The following CCDC33 variants were observed in gnomAD, a reference collection of about 807,000 sequenced individuals.
CCDC33 encodes coiled-coil domain containing 33, also known as coiled-coil domain-containing protein 33.
CCDC33 carries 94 observed loss-of-function variants against 91.9 expected under a neutral mutation model. The ratio of observed to expected loss-of-function variants is 1.02; its 90% CI spans 0.87 to 1.21. CCDC33 has a LOEUF of 1.21. Ranked by LOEUF, CCDC33 falls within the 50% of genes most tolerant of loss-of-function variation. The pLI, the probability that CCDC33 is intolerant of heterozygous loss-of-function variation, is 0.00. For missense variants in CCDC33, 940 were observed against 935.5 expected, an observed-to-expected ratio of 1.00 and a Z score of -0.06; for synonymous variants, 396 against 374.5, an observed-to-expected ratio of 1.06 and a Z score of -0.66.
rs569705340 is a variant in CCDC33, at chr15:74,270,701, G to A, written c.547-1002G>A. ...TGAGGGTCAGGGTCCGGGAGATCAG[G>A]GCCTCTTAGGCTGGCAGCAGAGGCG... On this transcript the variant is annotated intron_variant, in intron 5 of 18. Coordinates refer to ENST00000398814, the MANE Select transcript of CCDC33 (RefSeq NM_025055.5). 7.6e-4 allele frequency among the ~76,000 whole-genome samples: 116 copies of A among 152,174 alleles called. 1 individual carries two copies. Among genetic ancestry groups the A allele is most frequent in the African/African-American group, 2.7e-3 (114 of 41,516 alleles).
intron 2 of CCDC33, among the ~76,000 whole-genome samples, chr15:74,227,492 C>T (rs1475802262): frequency 1.3e-5 from 2 of 152,152 alleles, no homozygotes; most frequent in African/African-American, 2.4e-5. Flanking sequence ...CTTGGTATTA[C>T]GCTGGCCCCA....
intron 11 of CCDC33, among the ~76,000 whole-genome samples, chr15:74,308,717 T>A (rs2059938615): frequency 6.6e-6 from 1 of 152,174 alleles, no homozygotes; most frequent in Non-Finnish European, 1.5e-5. Flanking sequence ...GCAGCAGAAT[T>A]TTTTTCACTC....
intron 2 of CCDC33, among the ~76,000 whole-genome samples, chr15:74,246,275 C>A (rs2075526466): frequency 6.6e-6 from 1 of 152,152 alleles, no homozygotes; most frequent in East Asian, 1.9e-4. Context: ...AATTAATCTT[C>A]GGATATGACA....
At chr15:74,229,629 A>G (rs1483111018) in intron 2 of CCDC33, among the ~76,000 whole-genome samples, 1 of 152,258 alleles carries the variant, frequency 6.6e-6, no homozygotes, top group Non-Finnish European at 1.5e-5. Flanking sequence ...AGGTTCCTAT[A>G]CACACCCGTG....
At position 74,298,843 on chromosome 15, in the gene CCDC33, G is replaced by T. The variant is rs552545272; in HGVS notation, c.1290+2895G>T. ...TTCTCCTTCCTCAGCCTCTTGAGTAGCTGGGATTACAGGCGGGCGCCACCA... is the reference window on the plus strand; with the variant it reads ...TTCTCCTTCCTCAGCCTCTTGAGTATCTGGGATTACAGGCGGGCGCCACCA... On this transcript the variant is annotated intron_variant, in intron 11 of 18. Coordinates refer to ENST00000398814, the MANE Select transcript of CCDC33 (RefSeq NM_025055.5). Among the ~76,000 whole-genome samples the T allele has an allele frequency of 2.6e-5, 4 of 151,106 alleles. No homozygotes were observed. In the South Asian group the frequency reaches 6.3e-4, roughly 24 times the overall value.
chr15:74,214,394 T>C (rs1014277632), upstream of CCDC33, among the ~76,000 whole-genome samples: 1 of 152,068 alleles, frequency 6.6e-6, no homozygotes, highest in African/African-American at 2.4e-5. Context: ...TACCCCTTCT[T>C]GAACCCCTCT....
At chr15:74,240,718 G>A (rs1384711485) in intron 1 of CCDC33, among the ~76,000 whole-genome samples, 5 of 152,074 alleles carry the variant, frequency 3.3e-5, no homozygotes, top group African/African-American at 7.2e-5. Flanking sequence ...TCAGCCTCCC[G>A]AATAGCTGGG....
At chr15:74,207,761 C>T in intron 1 of CCDC33, 1 of 1,535,734 alleles carries the variant, frequency 6.5e-7, no homozygotes, top group Non-Finnish European at 8.7e-7. Context: ...CTCATGCGGG[C>T]CCGTGAGCTT....
Position 74,324,089 on chromosome 15 carries a change from C to CAAA in CCDC33, c.1291-6079_1291-6077dup, listed in dbSNP as rs55758894. On this transcript the variant is annotated intron_variant, in intron 11 of 18. Coordinates refer to ENST00000398814, the MANE Select transcript of CCDC33 (RefSeq NM_025055.5). ...TAGGCAATAGAAAGAGACTCCATCT[C>CAAA]AAAAAAAAAAAAAAAAAAAAAAAGT... Among the ~76,000 whole-genome samples the CAAA allele has an allele frequency of 1.8e-3, 130 of 72,076 alleles. 1 individual carries two copies. The highest frequency in any genetic ancestry group is 6.1e-3 in the African/African-American group (121 of 19,946). The allele number at this position is 72,076 out of a possible 152,430, so 47.3% of individuals were successfully genotyped here.
intron 1 of CCDC33, among the ~76,000 whole-genome samples, chr15:74,237,306 G>C (rs1447460277): frequency 6.6e-6 from 1 of 152,256 alleles, no homozygotes; most frequent in Non-Finnish European, 1.5e-5. Context: ...CCCAGCAGCA[G>C]GGCTCTGTCA....
chr15:74,268,337 T>C lies in CCDC33; in HGVS notation c.430-5T>C. On this transcript the variant is annotated splice_polypyrimidine_tract_variant and splice_region_variant and intron_variant, in intron 4 of 18. Transcript: ENST00000398814. ...CTGTGTCTTCTGCCCCAACCCTGTCTCCAGCCCACTGAGTCTGGGAAAGCC... is the reference window on the plus strand; with the variant it reads ...CTGTGTCTTCTGCCCCAACCCTGTCCCCAGCCCACTGAGTCTGGGAAAGCC... 1.9e-6 allele frequency: 3 copies of C among 1,609,490 alleles called. No individual in the cohort carries two copies. Among genetic ancestry groups the C allele is most frequent in the Middle Eastern group, 1.7e-4 (1 of 6,048 alleles).
At chr15:74,336,179 C>T (rs1431688496), downstream of CCDC33, 10 of 1,463,674 alleles carry the variant, frequency 6.8e-6, no homozygotes, top group Middle Eastern at 1.8e-4. Flanking sequence ...AGCCTGGGGG[C>T]CCTGCTTCCT....
intron 1 of CCDC33, among the ~76,000 whole-genome samples, chr15:74,204,064 C>G (rs1379705867): frequency 2.0e-5 from 3 of 152,220 alleles, no homozygotes; most frequent in Non-Finnish European, 2.9e-5. Context: ...AGTTCCTCCC[C>G]CTTCTTCCCA....
At chr15:74,227,090 G>A (rs351181) in intron 2 of CCDC33, among the ~76,000 whole-genome samples, 115,963 of 152,064 alleles carry the variant, frequency 0.76, 44,570 homozygotes, top group African/African-American at 0.84. Context: ...AGCCTGCAGA[G>A]CCCATTGGAG....
chr15:74,274,022 G>C (rs2076389538), intron 7 of CCDC33, among the ~76,000 whole-genome samples: 1 of 151,938 alleles, frequency 6.6e-6, no homozygotes, highest in Non-Finnish European at 1.5e-5. Flanking sequence ...AGTAGAGATG[G>C]AGTTTCACCA....
Position 74,318,618 on chromosome 15 carries a change from C to T in CCDC33, c.1291-11571C>T, listed in dbSNP as rs903934130. On this transcript the variant is annotated intron_variant, in intron 11 of 18. Transcript: ENST00000398814. ...GGGGAGCCAGGGCCCCCATCCCCTC[C>T]AGCCCCCAAGGCTGCCCCAGGCCTC... 4.0e-6 allele frequency: 3 copies of T among 752,186 alleles called. No individual in the cohort carries two copies. The African/African-American group carries it at 5.3e-5, about 13-fold the overall frequency. 46.6% of individuals were successfully genotyped at this position (752,186 alleles called of 1,614,324 possible).
chr15:74,247,369 TATACACAC>T (rs771502044), intron 2 of CCDC33, among the ~76,000 whole-genome samples: 1 of 53,212 alleles, frequency 1.9e-5, no homozygotes, highest in African/African-American at 3.5e-5. Flanking sequence ...TATATATATA[TATACACAC>T]ACACACACAC....
intron 2 of CCDC33, among the ~76,000 whole-genome samples, chr15:74,247,371 T>TATATACAC (rs1186535466): frequency 6.7e-6 from 1 of 148,616 alleles, no homozygotes; most frequent in Non-Finnish European, 1.5e-5. Context: ...TATATATATA[T>TATATACAC]ACACACACAC....
chr15:74,212,532 A>G (rs2074377784), upstream of CCDC33: 1 of 152,280 alleles, frequency 6.6e-6, no homozygotes, highest in South Asian at 2.1e-4. Flanking sequence ...ACGGAGTGCC[A>G]TCCAATGGCA....
Sources: allele counts gnomAD v4.1 joint callset (sites outside exome capture counted in the v4.1 genomes callset), GRCh38; gene constraint gnomAD v4.1.1; transcripts MANE v1.5; gene names NCBI Gene and HGNC (gene_info 2026-07-23, HGNC 2026-07-21).